KALRN: variants seen among roughly 807,000 people sequenced by gnomAD.
The protein encoded by KALRN is kalirin.
A neutral mutation model predicts 353.7 loss-of-function variants in KALRN; 70 were observed. The ratio of observed to expected loss-of-function variants is 0.20; its 90% CI spans 0.16 to 0.24. The LOEUF is 0.24. Ranked by LOEUF, KALRN falls within the 10% of genes least tolerant of loss-of-function variation. The pLI, the probability that KALRN is intolerant of heterozygous loss-of-function variation, is 1.00. For synonymous variants in KALRN, 1,391 were observed against 1,434.8 expected (o/e 0.97, Z 0.69); for missense variants, 2,791 against 3,756.7 (o/e 0.74, Z 6.72).
intron 5 of KALRN, among the ~76,000 whole-genome samples, chr3:124,294,218 G>T (rs543943035): frequency 2.6e-5 from 4 of 151,838 alleles, no homozygotes; most frequent in Non-Finnish European, 4.4e-5. Flanking sequence ...TAACTTTTAG[G>T]GATAACTGCC....
chr3:124,518,575 G>A (rs894418363), intron 33 of KALRN: 4 of 1,602,748 alleles, frequency 2.5e-6, no homozygotes, highest in African/African-American at 1.3e-5. Context: ...GGCAGGGCTG[G>A]TGTGGGGTGC....
intron 8 of KALRN, among the ~76,000 whole-genome samples, chr3:124,332,937 G>A (rs1407530622): frequency 6.6e-6 from 1 of 152,100 alleles, no homozygotes; most frequent in Admixed American, 6.5e-5. Flanking sequence ...CGCTAATAAA[G>A]ACATACCTGA....
At chr3:124,387,809 T>TA (rs2088633449) in intron 11 of KALRN, among the ~76,000 whole-genome samples, 1 of 152,140 alleles carries the variant, frequency 6.6e-6, no homozygotes, top group African/African-American at 2.4e-5. Context: ...GATTTTATTT[T>TA]TTTTTTCAGG....
At position 124,490,933 on chromosome 3, in the gene KALRN, C is replaced by A. The variant is rs190307331; in HGVS notation, c.4587+49C>A. ...ACAAGACTCCCTGCTTTCATAGAACCCATGGGCAGGAAGGGATCTGGACAC... is the reference window on the plus strand; with the variant it reads ...ACAAGACTCCCTGCTTTCATAGAACACATGGGCAGGAAGGGATCTGGACAC... On this transcript the variant is annotated intron_variant, in intron 30 of 59. Transcript: ENST00000682506. 1.4e-4 allele frequency: 218 copies of A among 1,527,432 alleles called. 1 individual carries two copies. The highest frequency in any genetic ancestry group is 1.4e-3 in the Middle Eastern group (8 of 5,798). The allele number at this position is 1,527,432 out of a possible 1,614,324, so 94.6% of individuals were successfully genotyped here.
At chr3:124,111,116 G>C (rs1357228462) in intron 1 of KALRN, among the ~76,000 whole-genome samples, 1 of 152,028 alleles carries the variant, frequency 6.6e-6, no homozygotes, top group Non-Finnish European at 1.5e-5. Flanking sequence ...ATAAATGATT[G>C]TCCTCAGTGG....
intron 34 of KALRN, among the ~76,000 whole-genome samples, chr3:124,595,700 T>G (rs2076204211): frequency 6.6e-6 from 1 of 152,194 alleles, no homozygotes; most frequent in Admixed American, 6.5e-5. Context: ...TTTCATACCC[T>G]TTGAAAGGAA....
At chr3:124,286,082 C>CCTTCCTTCCTTT (rs1553893895) in intron 5 of KALRN, among the ~76,000 whole-genome samples, 138 of 102,250 alleles carry the variant, frequency 1.3e-3, no homozygotes, top group Non-Finnish European at 2.4e-3. Context: ...TTCTTTCCTT[C>CCTTCCTTCCTTT]CTTTCTTTCT....
rs768921250 is a variant in KALRN, at chr3:124,702,049, G to A, written c.8008G>A (p.Asp2670Asn). Residue 2670 changes from aspartate to asparagine, a missense_variant, in exon 57 of 60, where the codon GAT becomes AAT. This residue lies in a region of KALRN where 188 missense variants were observed against 402.9 expected (regional missense o/e 0.47). Transcript: ENST00000682506. Reference protein sequence around the residue: ...VRLPEYDAAADGATISWKENF... With the variant: ...VRLPEYDAAANGATISWKENF... ...TCTTTCTTCCGAAGATGCTGCTGCTGATGGTGCCACCATTTCTTGGAAGGA... is the reference window on the plus strand; with the variant it reads ...TCTTTCTTCCGAAGATGCTGCTGCTAATGGTGCCACCATTTCTTGGAAGGA... The A allele has an allele frequency of 6.2e-7, 1 of 1,613,454 alleles. No homozygotes were observed. Among genetic ancestry groups the A allele is most frequent in the South Asian group, 1.1e-5 (1 of 91,066 alleles).
intron 1 of KALRN, among the ~76,000 whole-genome samples, chr3:124,143,388 T>A: frequency 6.6e-6 from 1 of 152,084 alleles, no homozygotes; most frequent in East Asian, 1.9e-4. Flanking sequence ...GGCTTTAGGG[T>A]TGGGAACAGA....
intron 33 of KALRN, among the ~76,000 whole-genome samples, chr3:124,517,038 G>C (rs147656222): frequency 6.6e-6 from 1 of 152,034 alleles, no homozygotes; most frequent in Non-Finnish European, 1.5e-5. Flanking sequence ...GGTTAGTCTC[G>C]AACGCCTGAT....
chr3:124,462,673 G>T lies in KALRN; in HGVS notation c.4031+40G>T, dbSNP rs188800423. On this transcript the variant is annotated intron_variant, in intron 25 of 59. Coordinates refer to ENST00000682506, the MANE Select transcript of KALRN (RefSeq NM_001388419.1). ...GGTCTCAGAGGTGCACACTTAGGCC[G>T]TAAAAACCAGACAACAGGGTTCCCA... 1.6e-4 allele frequency: 191 copies of T among 1,161,240 alleles called. 1 individual carries two copies. In the African/African-American group the frequency reaches 2.7e-3, roughly 16 times the overall value. The allele number at this position is 1,161,240 out of a possible 1,614,324, so 71.9% of individuals were successfully genotyped here.
intron 14 of KALRN, among the ~76,000 whole-genome samples, chr3:124,417,140 T>C (rs1359907819): frequency 6.6e-6 from 1 of 152,236 alleles, no homozygotes; most frequent in Non-Finnish European, 1.5e-5. Flanking sequence ...ATCATCTATT[T>C]GAGCCTCAAG....
intron 13 of KALRN, chr3:124,410,192 C>G (rs2092012191): frequency 3.8e-6 from 2 of 532,330 alleles, no homozygotes; most frequent in South Asian, 2.8e-5. Context: ...TGACGTGACT[C>G]TCTTCTCCCT....
At chr3:124,237,201 G>A (rs1376826773) in intron 3 of KALRN, among the ~76,000 whole-genome samples, 3 of 152,122 alleles carry the variant, frequency 2.0e-5, no homozygotes, top group Non-Finnish European at 4.4e-5. Flanking sequence ...GAAGAGAAAG[G>A]GAACAATGAA....
chr3:124,584,748 G>C (rs2074962995), intron 34 of KALRN: 1 of 1,531,976 alleles, frequency 6.5e-7, no homozygotes, highest in African/African-American at 1.4e-5. Flanking sequence ...CGGCGCTGAA[G>C]TTTCCTTCCC....
chr3:124,275,828 C>G (rs2074656793), intron 5 of KALRN, among the ~76,000 whole-genome samples: 1 of 124,498 alleles, frequency 8.0e-6, no homozygotes, highest in African/African-American at 3.0e-5. Context: ...GGGGGTCCTG[C>G]AGGTCACCAG....
intron 33 of KALRN, among the ~76,000 whole-genome samples, chr3:124,504,529 C>T (rs1036586124): frequency 6.6e-6 from 1 of 152,204 alleles, no homozygotes; most frequent in Non-Finnish European, 1.5e-5. Flanking sequence ...CCAGCAAATC[C>T]ACAGCAACAC....
chr3:124,226,500 T>G (rs2078520995), intron 1 of KALRN, among the ~76,000 whole-genome samples: 1 of 152,224 alleles, frequency 6.6e-6, no homozygotes, highest in Non-Finnish European at 1.5e-5. Flanking sequence ...ATAAAAAGAC[T>G]TGCAGTCTTC....
intron 3 of KALRN, among the ~76,000 whole-genome samples, chr3:124,259,592 A>G (rs1466311623): frequency 6.6e-6 from 1 of 152,240 alleles, no homozygotes; most frequent in East Asian, 1.9e-4. Context: ...TGGGGCCAGT[A>G]TTCAGGCCTA....
Sources: gnomAD v4.1 joint callset for allele counts (sites outside exome capture counted in the v4.1 genomes callset) on GRCh38, gnomAD v4.1.1 for gene constraint, gnomAD v4.1.1 regional missense constraint, MANE v1.5 for transcripts, NCBI Gene and HGNC (gene_info 2026-07-23, HGNC 2026-07-21) for gene names.